The following SGPL1 variants were observed in gnomAD, a reference collection of about 807,000 sequenced individuals.
The protein encoded by SGPL1 is SP-lyase 1.
In SGPL1, 37 loss-of-function variants were observed where a neutral mutation model predicts 68.9. That is an observed-to-expected ratio of 0.54 (90% CI 0.41 to 0.71). The LOEUF is 0.71. SGPL1 is among the 30% of genes least tolerant of loss of function. The probability of loss-of-function intolerance (pLI) is 0.00; values close to 1 mark genes in which losing one functional copy is unlikely to be tolerated. For synonymous variants in SGPL1, 236 were observed against 248.5 expected, an observed-to-expected ratio of 0.95 and a Z score of 0.47; for missense variants, 551 against 704.6, an observed-to-expected ratio of 0.78 and a Z score of 2.47.
intron 2 of SGPL1, among the ~76,000 whole-genome samples, chr10:70,842,960 T>C (rs1056932140): frequency 6.6e-6 from 1 of 151,478 alleles, no homozygotes; most frequent in African/African-American, 2.4e-5. Context: ...GAGACAGAAA[T>C]GGTCCCTGCC....
At chr10:70,828,461 G>A (rs1845474409) in intron 2 of SGPL1, among the ~76,000 whole-genome samples, 1 of 152,180 alleles carries the variant, frequency 6.6e-6, no homozygotes, top group African/African-American at 2.4e-5. Flanking sequence ...CTAAAGTGCT[G>A]CGATTATGGG....
At chr10:70,819,436 C>A (rs1358822145) in intron 2 of SGPL1, among the ~76,000 whole-genome samples, 1 of 152,136 alleles carries the variant, frequency 6.6e-6, no homozygotes, top group African/African-American at 2.4e-5. Context: ...GAACCAATAA[C>A]CATGGCTGGG....
chr10:70,826,664 T>A (rs2630335), intron 2 of SGPL1, among the ~76,000 whole-genome samples: 1 of 152,156 alleles, frequency 6.6e-6, no homozygotes, highest in Non-Finnish European at 1.5e-5. Flanking sequence ...TTCCCCTCTA[T>A]GGATAACCCC....
At chr10:70,854,990 AG>A (rs1196805665) in intron 5 of SGPL1, 135 bp downstream of exon 5, 2 of 691,862 alleles carry the variant, frequency 2.9e-6, no homozygotes, top group Non-Finnish European at 2.2e-6. Flanking sequence ...TCTGTTTCAC[AG>A]GTTGAATTTC....
At chr10:70,824,006 G>A (rs1381685028) in intron 2 of SGPL1, among the ~76,000 whole-genome samples, 1 of 152,156 alleles carries the variant, frequency 6.6e-6, no homozygotes, top group African/African-American at 2.4e-5. Context: ...TGCATAAAAT[G>A]TACTGCTATT....
At chr10:70,855,030 C>T (rs1322068070) in intron 5 of SGPL1, among the ~76,000 whole-genome samples, 175 bp downstream of exon 5, 1 of 152,198 alleles carries the variant, frequency 6.6e-6, no homozygotes, top group East Asian at 1.9e-4. Flanking sequence ...TTAGATTCAT[C>T]CTTCATCCAT....
At chr10:70,844,059 A>G (rs147225423) in intron 2 of SGPL1, among the ~76,000 whole-genome samples, 48 of 152,328 alleles carry the variant, frequency 3.2e-4, no homozygotes, top group African/African-American at 1.2e-3. Flanking sequence ...CTCATTACAG[A>G]ACCAGTTTGC....
chr10:70,838,848 T>C (rs1845671175), intron 2 of SGPL1, among the ~76,000 whole-genome samples: 1 of 152,230 alleles, frequency 6.6e-6, no homozygotes, highest in Admixed American at 6.5e-5. Flanking sequence ...CTACATGTAT[T>C]AGATTGTGTT....
intron 2 of SGPL1, among the ~76,000 whole-genome samples, chr10:70,837,341 G>T (rs1845642367): frequency 6.6e-6 from 1 of 152,008 alleles, no homozygotes; most frequent in African/African-American, 2.4e-5. Context: ...GCCTCCCAGA[G>T]TGCTGGGATT....
chr10:70,845,211 A>T (rs1845773612), intron 3 of SGPL1, among the ~76,000 whole-genome samples: 1 of 152,010 alleles, frequency 6.6e-6, no homozygotes, highest in Non-Finnish European at 1.5e-5. Flanking sequence ...GATCCACAGA[A>T]ATCTCAGTAT....
chr10:70,861,479 T>C (rs905075725), intron 7 of SGPL1, among the ~76,000 whole-genome samples: 52 of 152,204 alleles, frequency 3.4e-4, no homozygotes, highest in African/African-American at 1.2e-3. Context: ...CACAGCGTGC[T>C]GGCAGTCCTC....
At chr10:70,838,854 G>A (rs1024860284) in intron 2 of SGPL1, among the ~76,000 whole-genome samples, 42 of 152,258 alleles carry the variant, frequency 2.8e-4, no homozygotes, top group African/African-American at 9.6e-4. Flanking sequence ...GTATTAGATT[G>A]TGTTGTAAAA....
At position 70,826,109 on chromosome 10, in the gene SGPL1, C is replaced by A. The variant is rs966782045; in HGVS notation, c.27+9229C>A. On this transcript the variant is annotated intron_variant, in intron 2 of 14. Transcript: ENST00000373202. Reference sequence around the variant, plus strand: ...CTGAGGCATGAGAATCGCTTGAACGCGGGAGGTGGAGGTTGCAGTGAGCCA... The same window carrying A: ...CTGAGGCATGAGAATCGCTTGAACGAGGGAGGTGGAGGTTGCAGTGAGCCA... 2.0e-5 allele frequency among the ~76,000 whole-genome samples: 3 copies of A among 152,110 alleles called. No homozygotes were observed. The East Asian group carries it at 5.8e-4, about 29-fold the overall frequency.
chr10:70,851,115 G>C (rs1341839709), intron 3 of SGPL1, 28 bp from the exon 4 acceptor site: 4 of 1,585,794 alleles, frequency 2.5e-6, no homozygotes, highest in Non-Finnish European at 3.5e-6. Context: ...AAATTTATTT[G>C]AATAAGAGAA....
At chr10:70,841,005 T>C (rs1237206551) in intron 2 of SGPL1, among the ~76,000 whole-genome samples, 3 of 152,186 alleles carry the variant, frequency 2.0e-5, no homozygotes, top group Non-Finnish European at 4.4e-5. Context: ...ATCTGAATAA[T>C]TGTTCTTTCA....
chr10:70,857,826 C>T, intron 6 of SGPL1, 136 bp downstream of exon 6: 3 of 526,716 alleles, frequency 5.7e-6, no homozygotes, highest in South Asian at 2.6e-5. Context: ...AAAAGTTTCT[C>T]TTCACCCAAA....
intron 2 of SGPL1, among the ~76,000 whole-genome samples, chr10:70,823,539 C>CT (rs1845378932): frequency 7.4e-6 from 1 of 134,564 alleles, no homozygotes; most frequent in Non-Finnish European, 1.5e-5. Flanking sequence ...CAATATCAGA[C>CT]TTTTAAAGAA....
intron 4 of SGPL1, among the ~76,000 whole-genome samples, chr10:70,852,052 C>T (rs1845890647): frequency 6.6e-6 from 1 of 152,188 alleles, no homozygotes; most frequent in Non-Finnish European, 1.5e-5. Flanking sequence ...ATAAACAGGG[C>T]AGGCCACTTG....
At chr10:70,849,527 T>C (rs747838390) in intron 3 of SGPL1, among the ~76,000 whole-genome samples, 1 of 152,260 alleles carries the variant, frequency 6.6e-6, no homozygotes, top group Admixed American at 6.5e-5. Flanking sequence ...TTATTCAGTC[T>C]GTGTCTTAGT....
Sources: gnomAD v4.1 joint callset for allele counts (sites outside exome capture counted in the v4.1 genomes callset) on GRCh38, gnomAD v4.1.1 for gene constraint, MANE v1.5 for transcripts, NCBI Gene and HGNC (gene_info 2026-07-23, HGNC 2026-07-21) for gene names.